The following GALNT2 variants were observed in gnomAD, a reference collection of about 807,000 sequenced individuals.
GALNT2 encodes the protein UDP-GalNAc:polypeptide N-acetylgalactosaminyltransferase 2.
A neutral mutation model predicts 81.4 loss-of-function variants in GALNT2; 31 were observed. The ratio of observed to expected loss-of-function variants is 0.38; its 90% CI spans 0.29 to 0.51. GALNT2 has a LOEUF of 0.51. GALNT2 is among the 20% of genes least tolerant of loss of function. The pLI is 0.87. For synonymous variants in GALNT2, 303 were observed against 287.4 expected (o/e 1.05, Z -0.55); for missense variants, 629 against 765.7 (o/e 0.82, Z 2.11).
At chr1:230,189,961 G>A (rs930641230) in intron 2 of GALNT2, among the ~76,000 whole-genome samples, 1 of 152,194 alleles carries the variant, frequency 6.6e-6, no homozygotes, top group African/African-American at 2.4e-5. Flanking sequence ...TTGTGGGTCA[G>A]AATTCCCTTC....
intron 1 of GALNT2, among the ~76,000 whole-genome samples, chr1:230,094,123 G>A (rs1040088468): frequency 3.3e-5 from 5 of 150,700 alleles, no homozygotes; most frequent in African/African-American, 1.2e-4. Flanking sequence ...TCAGCATCCT[G>A]AGTAGCTAAG....
At chr1:230,101,759 T>C (rs921636866) in intron 1 of GALNT2, among the ~76,000 whole-genome samples, 1 of 152,368 alleles carries the variant, frequency 6.6e-6, no homozygotes, top group Middle Eastern at 3.4e-3. Flanking sequence ...ATAATTATTC[T>C]TGTTCCTCCT....
intron 6 of GALNT2, among the ~76,000 whole-genome samples, chr1:230,237,766 T>C (rs1010827005): frequency 1.3e-5 from 2 of 151,386 alleles, no homozygotes; most frequent in Non-Finnish European, 2.9e-5. Flanking sequence ...TGCTGCCCCC[T>C]AAACACCTTC....
At chr1:230,266,154 A>G (rs1305709931) in intron 14 of GALNT2, among the ~76,000 whole-genome samples, 1 of 152,276 alleles carries the variant, frequency 6.6e-6, no homozygotes. Flanking sequence ...AGATCACACC[A>G]TTGCATTCCA....
At chr1:230,262,168 A>G (rs751455507) in intron 11 of GALNT2, 2 of 169,166 alleles carry the variant, frequency 1.2e-5, no homozygotes, top group Non-Finnish European at 2.5e-5. Flanking sequence ...GGGGCCTGGA[A>G]TCTCCTTGCT....
rs58105454 is a variant in GALNT2, at chr1:230,061,192, A to ATGTGTGTG, written n.89+3140_89+3147dup. 6.5e-3 allele frequency among the ~76,000 whole-genome samples: 964 copies of ATGTGTGTG among 148,946 alleles called. 7 individuals are homozygous for ATGTGTGTG. Among genetic ancestry groups the ATGTGTGTG allele is most frequent in the African/African-American group, 0.023 (929 of 40,398 alleles). ...TAAATATGCATACATATGAGCATAGATGTGTGTGTGTGTGTGTGTGTGTGT... is the reference window on the plus strand; with the variant it reads ...TAAATATGCATACATATGAGCATAGATGTGTGTGTGTGTGTGTGTGTGTGTGTGTGTGT... On this transcript the variant is annotated intron_variant and non_coding_transcript_variant, in intron 1 of 6. Coordinates refer to the GALNT2 transcript ENST00000494106.
At chr1:230,094,851 A>T (rs1369044108) in intron 1 of GALNT2, among the ~76,000 whole-genome samples, 1 of 152,074 alleles carries the variant, frequency 6.6e-6, no homozygotes, top group Non-Finnish European at 1.5e-5. Context: ...CACGTCTGCA[A>T]AGAGGATGAT....
intron 1 of GALNT2, among the ~76,000 whole-genome samples, chr1:230,083,323 G>A (rs972507982): frequency 2.1e-5 from 3 of 139,612 alleles, no homozygotes; most frequent in South Asian, 2.4e-4. Flanking sequence ...AGTGGGGAGC[G>A]AGGATGATGG....
At chr1:230,235,665 C>T (rs867173791) in intron 3 of GALNT2, among the ~76,000 whole-genome samples, 9 of 152,272 alleles carry the variant, frequency 5.9e-5, no homozygotes, top group Middle Eastern at 6.8e-3. Flanking sequence ...TCGGAAATTA[C>T]GACTGCAAAT....
chr1:230,113,642 T>A (rs901571753), intron 1 of GALNT2, among the ~76,000 whole-genome samples: 2 of 151,970 alleles, frequency 1.3e-5, no homozygotes, highest in Middle Eastern at 3.4e-3. Flanking sequence ...GAGCTCAGAG[T>A]ATCTTGGGGC....
At chr1:230,228,734 A>G (rs1242203158) in intron 3 of GALNT2, among the ~76,000 whole-genome samples, 5 of 151,984 alleles carry the variant, frequency 3.3e-5, no homozygotes, top group Non-Finnish European at 2.9e-5. Flanking sequence ...ATGTTGCCCT[A>G]CTATGTGTTG....
intron 14 of GALNT2, among the ~76,000 whole-genome samples, chr1:230,266,953 GAT>G (rs1185827008): frequency 6.6e-6 from 1 of 152,006 alleles, no homozygotes; most frequent in Non-Finnish European, 1.5e-5. Context: ...TTTGCCGACA[GAT>G]ATGAGTGTGC....
chr1:230,234,816 G>T (rs1664975211), intron 3 of GALNT2, among the ~76,000 whole-genome samples: 1 of 152,120 alleles, frequency 6.6e-6, no homozygotes, highest in Non-Finnish European at 1.5e-5. Flanking sequence ...TGCTTTGAAG[G>T]GTTCCTCCTG....
At chr1:230,142,239 A>G (rs1013646297) in intron 1 of GALNT2, among the ~76,000 whole-genome samples, 19 of 152,200 alleles carry the variant, frequency 1.2e-4, no homozygotes, top group Admixed American at 1.2e-3. Flanking sequence ...ACCAGGCCAC[A>G]GGAAGCATAA....
At chr1:230,260,162 A>G (rs1665832943) in intron 11 of GALNT2, among the ~76,000 whole-genome samples, 1 of 152,264 alleles carries the variant, frequency 6.6e-6, no homozygotes, top group African/African-American at 2.4e-5. Context: ...AGGGATGCCC[A>G]ACTTGTAATA....
At chr1:230,067,202 C>G, upstream of GALNT2, 1 of 922,252 alleles carries the variant, frequency 1.1e-6, no homozygotes, top group Admixed American at 4.8e-5. Context: ...CGCTCCTCCC[C>G]CGGCCCCCAC....
chr1:230,208,949 C>T (rs1664150571), intron 3 of GALNT2, among the ~76,000 whole-genome samples: 3 of 151,982 alleles, frequency 2.0e-5, no homozygotes, highest in Admixed American at 2.0e-4. Flanking sequence ...TCGTATAGCC[C>T]AGGTTGGTCT....
chr1:230,280,271 T>A lies in GALNT2; in HGVS notation c.*813T>A. On this transcript the variant is annotated 3_prime_UTR_variant, in exon 16 of 16. Coordinates refer to ENST00000366672, the MANE Select transcript of GALNT2 (RefSeq NM_004481.5). Reference sequence around the variant, plus strand: ...CTACTGCTGTGGCCAGCTGGGGGGCTTCCTCCAGACCACCGGCCTCGGCCC... The same window carrying A: ...CTACTGCTGTGGCCAGCTGGGGGGCATCCTCCAGACCACCGGCCTCGGCCC... 2 of 319,258 alleles carry A rather than the reference T, an allele frequency of 6.3e-6. No homozygotes were observed. The highest frequency in any genetic ancestry group is 5.5e-5 in the South Asian group (2 of 36,108). The allele number at this position is 319,258 out of a possible 1,614,324, so 19.8% of individuals were successfully genotyped here.
At chr1:230,179,644 G>T (rs1273382802) in intron 2 of GALNT2, among the ~76,000 whole-genome samples, 10 of 151,998 alleles carry the variant, frequency 6.6e-5, no homozygotes, top group Admixed American at 6.5e-4. Flanking sequence ...TAATCCAGTG[G>T]TTCATTTTCT....
Sources: allele counts gnomAD v4.1 joint callset (sites outside exome capture counted in the v4.1 genomes callset), GRCh38; gene constraint gnomAD v4.1.1; transcripts MANE v1.5; gene names NCBI Gene and HGNC (gene_info 2026-07-23, HGNC 2026-07-21).